Variants in ZNF704 observed in about 807,000 individuals in gnomAD.
The protein encoded by ZNF704 is glucocorticoid induced gene 1.
A neutral mutation model predicts 44.7 loss-of-function variants in ZNF704; 10 were observed. That is an observed-to-expected ratio of 0.22 (90% CI 0.14 to 0.38). ZNF704 has a LOEUF of 0.38. Among genes scored for constraint, ZNF704 ranks in the 10% least tolerant of loss-of-function variants. The pLI, the probability that ZNF704 is intolerant of heterozygous loss-of-function variation, is 1.00. For missense variants in ZNF704, 390 were observed against 545.5 expected, an observed-to-expected ratio of 0.71 and a Z score of 2.84; for synonymous variants, 211 against 207.6, an observed-to-expected ratio of 1.02 and a Z score of -0.14.
chr8:80,643,015 A>C lies in ZNF704; in HGVS notation c.1127+20T>G. 1 of 1,524,330 alleles carries C rather than the reference A, an allele frequency of 6.6e-7. No individual in the cohort carries two copies. The highest frequency in any genetic ancestry group is 8.9e-7 in the Non-Finnish European group (1 of 1,124,420). The allele number at this position is 1,524,330 out of a possible 1,614,324, so 94.4% of individuals were successfully genotyped here. On this transcript the variant is annotated intron_variant, in intron 8 of 8. Coordinates refer to ENST00000327835, the MANE Select transcript of ZNF704 (RefSeq NM_001033723.3). ...AATTCCCTTGTGGTGAGGTGTGTGG[A>C]GTTTTTTAAGCTGTCGTACCTTAAG...
chr8:80,675,287 A>G (rs1818346259), intron 4 of ZNF704, among the ~76,000 whole-genome samples: 2 of 152,240 alleles, frequency 1.3e-5, no homozygotes, highest in Admixed American at 6.5e-5. Context: ...CTTGGAGGCC[A>G]GAAAGAATGA....
chr8:80,841,038 A>G (rs535110505), intron 1 of ZNF704, among the ~76,000 whole-genome samples: 81 of 152,282 alleles, frequency 5.3e-4, no homozygotes, highest in African/African-American at 1.9e-3. Flanking sequence ...TAGCCAGGAG[A>G]GAAGTCCAAC....
intron 1 of ZNF704, among the ~76,000 whole-genome samples, chr8:80,861,415 T>C (rs1027017879): frequency 1.3e-5 from 2 of 152,208 alleles, no homozygotes; most frequent in Non-Finnish European, 2.9e-5. Flanking sequence ...TAAAGTGTTA[T>C]TGGCAATGGA....
chr8:80,675,450 C>T (rs1473796768), intron 4 of ZNF704, among the ~76,000 whole-genome samples: 1 of 151,128 alleles, frequency 6.6e-6, no homozygotes, highest in Non-Finnish European at 1.5e-5. Flanking sequence ...GAGAGTGACA[C>T]TGTATGACTT....
chr8:80,768,475 A>T (rs1807264770), intron 2 of ZNF704, among the ~76,000 whole-genome samples: 1 of 152,172 alleles, frequency 6.6e-6, no homozygotes, highest in South Asian at 2.1e-4. Flanking sequence ...TTCAATAATA[A>T]TAAGGCATAT....
chr8:80,881,109 A>G, the ZNF704 span, among the ~76,000 whole-genome samples: 1 of 152,204 alleles, frequency 6.6e-6, no homozygotes, highest in African/African-American at 2.4e-5. Context: ...CATATTTACT[A>G]TTTCAGTGTG....
upstream of ZNF704, among the ~76,000 whole-genome samples, chr8:80,875,243 G>A (rs147841502): frequency 1.4e-3 from 218 of 152,172 alleles, no homozygotes; most frequent in African/African-American, 4.9e-3. Flanking sequence ...TTGCTATTGC[G>A]TGGGGTTAGG....
intron 2 of ZNF704, among the ~76,000 whole-genome samples, chr8:80,801,998 C>T (rs755066373): frequency 1.3e-5 from 2 of 151,948 alleles, no homozygotes; most frequent in South Asian, 2.1e-4. Flanking sequence ...GGGATATCAA[C>T]ACTGACCCCA....
At chr8:80,690,039 C>A (rs1363271053) in intron 3 of ZNF704, among the ~76,000 whole-genome samples, 2 of 147,788 alleles carry the variant, frequency 1.4e-5, no homozygotes, top group Admixed American at 1.3e-4. Flanking sequence ...TGCAATAATT[C>A]TAGAGAAAAT....
chr8:80,805,182 C>A (rs1321596763), intron 2 of ZNF704, among the ~76,000 whole-genome samples: 1 of 152,128 alleles, frequency 6.6e-6, no homozygotes, highest in Non-Finnish European at 1.5e-5. Context: ...AGCTTGGGGA[C>A]CCATCTCGTC....
the ZNF704 span, among the ~76,000 whole-genome samples, chr8:80,883,708 C>T: frequency 6.6e-6 from 1 of 152,150 alleles, no homozygotes; most frequent in Non-Finnish European, 1.5e-5. Context: ...CAAATCGAAA[C>T]TACCATAACT....
At chr8:80,808,034 T>C (rs765108287) in intron 2 of ZNF704, among the ~76,000 whole-genome samples, 1 of 152,188 alleles carries the variant, frequency 6.6e-6, no homozygotes, top group Non-Finnish European at 1.5e-5. Context: ...AGGAAACTCT[T>C]TGGCTACAAG....
chr8:80,738,549 T>A (rs1806703379), intron 2 of ZNF704, among the ~76,000 whole-genome samples: 1 of 151,122 alleles, frequency 6.6e-6, no homozygotes, highest in African/African-American at 2.5e-5. Context: ...GCATTTGACA[T>A]GAGGTTGGTT....
chr8:80,808,716 C>T (rs1288918237), intron 2 of ZNF704, among the ~76,000 whole-genome samples: 1 of 152,182 alleles, frequency 6.6e-6, no homozygotes, highest in Non-Finnish European at 1.5e-5. Context: ...ATCATTAAGA[C>T]TAGCTACCTG....
At chr8:80,709,431 A>C (rs1818948062) in intron 2 of ZNF704, among the ~76,000 whole-genome samples, 1 of 130,512 alleles carries the variant, frequency 7.7e-6, no homozygotes. Context: ...CAACAGTGCG[A>C]GACTCCATCT....
At chr8:80,834,710 T>C (rs1808529673) in intron 1 of ZNF704, among the ~76,000 whole-genome samples, 1 of 152,094 alleles carries the variant, frequency 6.6e-6, no homozygotes, top group South Asian at 2.1e-4. Flanking sequence ...CAGGCCCCGG[T>C]GTGTGATGTT....
chr8:80,665,504 T>G (rs747985996), intron 5 of ZNF704, among the ~76,000 whole-genome samples: 1 of 122,932 alleles, frequency 8.1e-6, no homozygotes, highest in Non-Finnish European at 1.6e-5. Context: ...AGTGAAATAA[T>G]AGACATTAGA....
At chr8:80,648,919 T>A (rs1213490756) in intron 7 of ZNF704, among the ~76,000 whole-genome samples, 1 of 152,202 alleles carries the variant, frequency 6.6e-6, no homozygotes, top group African/African-American at 2.4e-5. Context: ...CTTTTTGCAC[T>A]CTTCCATCCT....
Position 80,733,299 on chromosome 8 carries a change from T to C in ZNF704, c.222-40192A>G, listed in dbSNP as rs139164096. On this transcript the variant is annotated intron_variant, in intron 2 of 8. Coordinates refer to ENST00000327835, the MANE Select transcript of ZNF704 (RefSeq NM_001033723.3). ...ATTATCTGTTATTTTCATTGTTTTCTTTTCCCATGCACACTGCCTTATCTC... is the reference window on the plus strand; with the variant it reads ...ATTATCTGTTATTTTCATTGTTTTCCTTTCCCATGCACACTGCCTTATCTC... 2.4e-3 allele frequency among the ~76,000 whole-genome samples: 361 copies of C among 152,314 alleles called. 1 individual carries two copies. The highest frequency in any genetic ancestry group is 8.3e-3 in the African/African-American group (346 of 41,568).
Sources: allele counts gnomAD v4.1 joint callset (sites outside exome capture counted in the v4.1 genomes callset), GRCh38; gene constraint gnomAD v4.1.1; transcripts MANE v1.5; gene names NCBI Gene and HGNC (gene_info 2026-07-23, HGNC 2026-07-21).